Variants in CCDC148 observed in about 807,000 individuals in gnomAD.
CCDC148 encodes the protein coiled-coil domain-containing protein 148.
A neutral mutation model predicts 85.7 loss-of-function variants in CCDC148; 89 were observed. That is an observed-to-expected ratio of 1.04 (90% confidence interval 0.87 to 1.24). The LOEUF (loss-of-function observed/expected upper bound fraction) is 1.24. CCDC148 is among the 50% of genes most tolerant of loss of function. CCDC148 has a pLI of 0.00. For missense variants in CCDC148, 692 were observed against 671.7 expected, an observed-to-expected ratio of 1.03 and a Z score of -0.33; for synonymous variants, 230 against 213.9, an observed-to-expected ratio of 1.08 and a Z score of -0.66.
chr2:158,290,055 G>A (rs919529786), intron 9 of CCDC148, among the ~76,000 whole-genome samples: 1 of 152,176 alleles, frequency 6.6e-6, no homozygotes, highest in African/African-American at 2.4e-5. Flanking sequence ...GGGTAGGGTG[G>A]AGCTACATCA....
intron 1 of CCDC148, among the ~76,000 whole-genome samples, chr2:158,444,617 T>TA (rs1332598155): frequency 6.6e-6 from 1 of 150,938 alleles, no homozygotes; most frequent in African/African-American, 2.4e-5. Context: ...CTCATCTCTA[T>TA]AAAAAATAAA....
chr2:158,230,755 A>G (rs1415833607), intron 10 of CCDC148, among the ~76,000 whole-genome samples: 2 of 152,190 alleles, frequency 1.3e-5, no homozygotes, highest in Admixed American at 1.3e-4. Context: ...AGGAAAAGGC[A>G]GCGCTCGTCC....
In CCDC148 at chr2:158,295,279, G is replaced by A. The variant is rs1051180120; in HGVS notation, c.1110+14154C>T. On this transcript the variant is annotated intron_variant, in intron 9 of 13. Transcript: ENST00000283233. ...TCCAGGACCAGATGGATTCACAGCCGAATTCTACCAGAGGTACAAGGAGGA... is the reference window on the plus strand; with the variant it reads ...TCCAGGACCAGATGGATTCACAGCCAAATTCTACCAGAGGTACAAGGAGGA... Among the ~76,000 whole-genome samples, 41 of 151,982 alleles carry A rather than the reference G, an allele frequency of 2.7e-4. 1 individual carries two copies. The South Asian group carries it at 4.2e-3, about 15-fold the overall frequency.
chr2:158,392,995 G>C (rs1685378356), intron 1 of CCDC148, among the ~76,000 whole-genome samples: 3 of 152,014 alleles, frequency 2.0e-5, no homozygotes, highest in African/African-American at 7.2e-5. Flanking sequence ...CTACAAGTCA[G>C]GGTGTTTCTG....
rs567644767 is a variant in CCDC148, at chr2:158,206,927, C to A, written c.1370+13668G>T. Among the ~76,000 whole-genome samples, 9 of 152,328 alleles carry A rather than the reference C, an allele frequency of 5.9e-5. No homozygotes were observed. In the South Asian group the frequency reaches 1.7e-3, roughly 28 times the overall value. On this transcript the variant is annotated intron_variant, in intron 11 of 13. Coordinates refer to ENST00000283233, the MANE Select transcript of CCDC148 (RefSeq NM_138803.4). Reference sequence around the variant, plus strand: ...AGTGATGGGGAACAGGAGATACGGACTGCTCAACCATGTCAGTTGCTTTTA... The same window carrying A: ...AGTGATGGGGAACAGGAGATACGGAATGCTCAACCATGTCAGTTGCTTTTA...
At chr2:158,366,816 C>G (rs1028564425) in intron 1 of CCDC148, among the ~76,000 whole-genome samples, 2 of 152,212 alleles carry the variant, frequency 1.3e-5, no homozygotes, top group African/African-American at 4.8e-5. Flanking sequence ...ATCTTCCACT[C>G]CACGCTCTTC....
intron 7 of CCDC148, among the ~76,000 whole-genome samples, chr2:158,328,213 T>C (rs1049097261): frequency 2.0e-5 from 3 of 152,162 alleles, no homozygotes; most frequent in African/African-American, 7.2e-5. Context: ...CCTTCCTGTG[T>C]CCATGTGTTC....
chr2:158,281,972 T>C (rs964297036), intron 9 of CCDC148, among the ~76,000 whole-genome samples: 7 of 152,012 alleles, frequency 4.6e-5, no homozygotes, highest in South Asian at 2.1e-4. Context: ...GCTGGTTCAA[T>C]ATACACAAAT....
chr2:158,238,820 G>A (rs539062829), intron 10 of CCDC148, among the ~76,000 whole-genome samples: 1 of 152,236 alleles, frequency 6.6e-6, no homozygotes, highest in Admixed American at 6.5e-5. Context: ...AAAGCGACCC[G>A]AAAGTAAATA....
intron 2 of CCDC148, among the ~76,000 whole-genome samples, chr2:158,351,547 A>G (rs538881369): frequency 6.6e-6 from 1 of 152,302 alleles, no homozygotes; most frequent in East Asian, 1.9e-4. Context: ...TCACGAGATT[A>G]TATCCCGCAC....
At chr2:158,365,387 A>C (rs10179308) in intron 1 of CCDC148, among the ~76,000 whole-genome samples, 53,989 of 152,012 alleles carry the variant, frequency 0.36, 9,916 homozygotes, top group African/African-American at 0.45. Context: ...TTCACAATAG[A>C]AAAGACTTGG....
intron 9 of CCDC148, among the ~76,000 whole-genome samples, chr2:158,306,792 C>T (rs547160951): frequency 1.3e-5 from 2 of 149,754 alleles, no homozygotes; most frequent in Admixed American, 6.7e-5. Flanking sequence ...CAAACCTGCA[C>T]GTTGTGCACA....
At chr2:158,429,460 T>C (rs915581433) in intron 1 of CCDC148, among the ~76,000 whole-genome samples, 2 of 151,962 alleles carry the variant, frequency 1.3e-5, no homozygotes, top group African/African-American at 4.8e-5. Flanking sequence ...AGGTAAAGGA[T>C]GATGAGCTAA....
At chr2:158,435,078 C>T (rs1355211623) in intron 1 of CCDC148, among the ~76,000 whole-genome samples, 1 of 152,120 alleles carries the variant, frequency 6.6e-6, no homozygotes, top group Non-Finnish European at 1.5e-5. Context: ...GGAGAACTTC[C>T]CCAATCTAGC....
chr2:158,434,564 T>G (rs1279217538), intron 1 of CCDC148, among the ~76,000 whole-genome samples: 2 of 152,176 alleles, frequency 1.3e-5, no homozygotes, highest in East Asian at 3.9e-4. Flanking sequence ...AGAGTGCCTC[T>G]TCTCCTCCAA....
At chr2:158,218,396 T>TGGA (rs1687001172) in intron 11 of CCDC148, among the ~76,000 whole-genome samples, 1 of 152,232 alleles carries the variant, frequency 6.6e-6, no homozygotes, top group Non-Finnish European at 1.5e-5. Flanking sequence ...CTCTTTTTAG[T>TGGA]ATCTTATAAT....
intron 13 of CCDC148, among the ~76,000 whole-genome samples, chr2:158,172,627 A>C (rs1344653248): frequency 6.6e-6 from 1 of 152,118 alleles, no homozygotes; most frequent in African/African-American, 2.4e-5. Context: ...AATAAATCTA[A>C]GCCACAAAAA....
At chr2:158,365,247 G>T (rs1477468207) in intron 1 of CCDC148, among the ~76,000 whole-genome samples, 1 of 152,178 alleles carries the variant, frequency 6.6e-6, no homozygotes, top group African/African-American at 2.4e-5. Context: ...AGAGAGTGTG[G>T]TGATTCCTCA....
chr2:158,256,267 A>C (rs1197232237), intron 9 of CCDC148, among the ~76,000 whole-genome samples: 5 of 151,760 alleles, frequency 3.3e-5, no homozygotes, highest in Admixed American at 3.3e-4. Flanking sequence ...CACCAACAAC[A>C]ATATTGTTAC....
Sources: allele counts gnomAD v4.1 joint callset (sites outside exome capture counted in the v4.1 genomes callset), GRCh38; gene constraint gnomAD v4.1.1; transcripts MANE v1.5; gene names NCBI Gene and HGNC (gene_info 2026-07-23, HGNC 2026-07-21).